The following MARCHF5 variants were observed in gnomAD, a reference collection of about 807,000 sequenced individuals.
MARCHF5 encodes the protein membrane associated ring-CH-type finger 5.
A neutral mutation model predicts 36.5 loss-of-function variants in MARCHF5; 5 were observed. The observed-to-expected ratio is 0.14, with a 90% CI of 0.07 to 0.29. The LOEUF is 0.29. Among genes scored for constraint, MARCHF5 ranks in the 10% least tolerant of loss-of-function variants. MARCHF5 has a pLI of 1.00. For synonymous variants in MARCHF5, 103 were observed against 109.9 expected (o/e 0.94, Z 0.39); for missense variants, 179 against 336.3 (o/e 0.53, Z 3.66).
chr10:92,304,139 G>A (rs1444290203), intron 1 of MARCHF5, among the ~76,000 whole-genome samples: 4 of 152,188 alleles, frequency 2.6e-5, no homozygotes, highest in Non-Finnish European at 5.9e-5. Context: ...TAGGAATCCA[G>A]AACATTTTCC....
intron 2 of MARCHF5, among the ~76,000 whole-genome samples, chr10:92,328,337 C>CTT (rs946503697): frequency 1.3e-4 from 16 of 123,554 alleles, no homozygotes; most frequent in South Asian, 5.3e-4. Flanking sequence ...TGTAAAGTTA[C>CTT]TTTTTTTTTT....
At chr10:92,315,613 A>G (rs568706586) in intron 2 of MARCHF5, among the ~76,000 whole-genome samples, 4 of 152,318 alleles carry the variant, frequency 2.6e-5, no homozygotes, top group African/African-American at 9.6e-5. Context: ...TATCACTCCT[A>G]GTTCACTGGT....
intron 1 of MARCHF5, among the ~76,000 whole-genome samples, chr10:92,304,741 G>A (rs886402922): frequency 6.6e-6 from 1 of 152,088 alleles, no homozygotes; most frequent in African/African-American, 2.4e-5. Flanking sequence ...ATTTTATTTA[G>A]AGCTTAGCAA....
chr10:92,349,569 A>C, intron 4 of MARCHF5, 37 bp downstream of exon 4: 2 of 1,598,108 alleles, frequency 1.3e-6, no homozygotes, highest in Non-Finnish European at 1.7e-6. Flanking sequence ...GTGCATACCA[A>C]ATTGATCTTG....
At chr10:92,320,564 C>T (rs1843278779) in intron 2 of MARCHF5, among the ~76,000 whole-genome samples, 1 of 151,972 alleles carries the variant, frequency 6.6e-6, no homozygotes, top group African/African-American at 2.4e-5. Context: ...GATCCTGACC[C>T]TGTGTAGGCC....
intron 2 of MARCHF5, among the ~76,000 whole-genome samples, chr10:92,336,797 GA>G (rs1843507206): frequency 6.6e-6 from 1 of 152,122 alleles, no homozygotes; most frequent in African/African-American, 2.4e-5. Context: ...AAAGGAGACT[GA>G]AAATTGAGTA....
At chr10:92,302,568 C>T (rs1843029269) in intron 1 of MARCHF5, among the ~76,000 whole-genome samples, 1 of 151,884 alleles carries the variant, frequency 6.6e-6, no homozygotes, top group Non-Finnish European at 1.5e-5. Context: ...CCTCAGCCTC[C>T]TGAGTAGCTG....
At chr10:92,316,749 G>T (rs1176820969) in intron 2 of MARCHF5, among the ~76,000 whole-genome samples, 2 of 151,170 alleles carry the variant, frequency 1.3e-5, no homozygotes, top group Non-Finnish European at 2.9e-5. Context: ...TCTTTTTAGA[G>T]AGGGGGATCA....
At chr10:92,306,183 C>A (rs983115293) in intron 1 of MARCHF5, among the ~76,000 whole-genome samples, 1 of 152,184 alleles carries the variant, frequency 6.6e-6, no homozygotes, top group Non-Finnish European at 1.5e-5. Context: ...TCTTAAGGCT[C>A]CACTTAGTTG....
chr10:92,347,507 TAGATAGATAGATAGATGATAGATATATA>T lies in MARCHF5; in HGVS notation c.370-1841_370-1814del, dbSNP rs199578023. 1.9e-3 allele frequency among the ~76,000 whole-genome samples: 217 copies of T among 112,484 alleles called. 1 individual carries two copies. The highest frequency in any genetic ancestry group is 6.6e-3 in the African/African-American group (201 of 30,378). The allele number at this position is 112,484 out of a possible 152,430, so 73.8% of individuals were successfully genotyped here. A position where few individuals can be genotyped will look rare whatever the true frequency, so the allele number is the denominator to read the frequency against. ...ATAGATAGATAGATAGATAGATAGA[TAGATAGATAGATAGATGATAGATATATA>T]GATAGATAGATAGATAGATAGATAA... On this transcript the variant is annotated intron_variant, in intron 3 of 5. Transcript: ENST00000358935.
chr10:92,316,947 A>G (rs1459813715), intron 2 of MARCHF5, among the ~76,000 whole-genome samples: 3 of 152,184 alleles, frequency 2.0e-5, no homozygotes, highest in Admixed American at 6.5e-5. Flanking sequence ...CATGAAAGGA[A>G]TACCAACTGA....
chr10:92,309,615 G>A (rs879096340), intron 1 of MARCHF5, among the ~76,000 whole-genome samples: 1 of 151,948 alleles, frequency 6.6e-6, no homozygotes, highest in Admixed American at 6.6e-5. Flanking sequence ...CCTCAGTTGT[G>A]GGGAAAAATA....
intron 2 of MARCHF5, among the ~76,000 whole-genome samples, chr10:92,339,641 A>G (rs752365972): frequency 2.0e-5 from 3 of 152,042 alleles, no homozygotes; most frequent in Non-Finnish European, 2.9e-5. Flanking sequence ...TTGCACTCCA[A>G]CCTGGGCGAC....
At position 92,291,416 on chromosome 10, in the gene MARCHF5, G is replaced by T. The variant is rs1038440955; in HGVS notation, c.-79G>T. The stretch of plus-strand genomic sequence containing the variant: ...CCGCCGGACTGCGGCCTACTCCGCC[G>T]CCTCTCAGTGCTATTGTCCCTGGGC... On this transcript the variant is annotated 5_prime_UTR_variant, in exon 1 of 6. Transcript: ENST00000358935. The T allele has an allele frequency of 6.2e-6, 8 of 1,282,134 alleles. No homozygotes were observed. The highest frequency in any genetic ancestry group is 8.8e-6 in the Non-Finnish European group (8 of 906,754). The allele number at this position is 1,282,134 out of a possible 1,614,324, so 79.4% of individuals were successfully genotyped here. A position where few individuals can be genotyped will look rare whatever the true frequency, so the allele number is the denominator to read the frequency against.
At chr10:92,350,170 A>G (rs895952991) in intron 5 of MARCHF5, 1 of 230,244 alleles carries the variant, frequency 4.3e-6, no homozygotes. Context: ...TTGCTGTGAA[A>G]TCTAAATCAA....
intron 2 of MARCHF5, among the ~76,000 whole-genome samples, chr10:92,339,347 G>A (rs1270214113): frequency 6.6e-6 from 1 of 151,794 alleles, no homozygotes; most frequent in African/African-American, 2.4e-5. Flanking sequence ...CCCAGACTGG[G>A]TGACACAGTG....
At chr10:92,314,757 C>CCCG (rs1564946327) in intron 2 of MARCHF5, among the ~76,000 whole-genome samples, 8 of 122,338 alleles carry the variant, frequency 6.5e-5, no homozygotes, top group African/African-American at 1.4e-4. Flanking sequence ...CGCCCCCCCC[C>CCCG]GCCAATAGAG....
Position 92,348,476 on chromosome 10 carries a change from G to A in MARCHF5, c.370-873G>A, listed in dbSNP as rs151265412. On this transcript the variant is annotated intron_variant, in intron 3 of 5. Coordinates refer to ENST00000358935, the MANE Select transcript of MARCHF5 (RefSeq NM_017824.5). ...TGCACTCCAGCCTGGGCAACACAGC[G>A]AGACTCCATCTCAAAAACAACAACA... 6.0e-3 allele frequency among the ~76,000 whole-genome samples: 914 copies of A among 152,166 alleles called. 9 individuals are homozygous for A. The highest frequency in any genetic ancestry group is 0.019 in the African/African-American group (775 of 41,496).
At chr10:92,314,745 C>T (rs1263669285) in intron 2 of MARCHF5, among the ~76,000 whole-genome samples, 1 of 6,972 alleles carries the variant, frequency 1.4e-4, no homozygotes, top group African/African-American at 2.0e-4. Context: ...GCTGCTTCCC[C>T]CCGCCCCCCC....
Sources: gnomAD v4.1 joint callset for allele counts (sites outside exome capture counted in the v4.1 genomes callset) on GRCh38, gnomAD v4.1.1 for gene constraint, MANE v1.5 for transcripts, NCBI Gene and HGNC (gene_info 2026-07-23, HGNC 2026-07-21) for gene names.